Variants in XRRA1 observed in about 807,000 individuals in gnomAD.
XRRA1 encodes X-ray radiation resistance-associated protein 1.
A neutral mutation model predicts 80.2 loss-of-function variants in XRRA1; 69 were observed. The ratio of observed to expected loss-of-function variants is 0.86; its 90% CI spans 0.71 to 1.05. XRRA1 has a LOEUF of 1.05. XRRA1 is among the 50% of genes least tolerant of loss of function. XRRA1 has a pLI of 0.00. For synonymous variants in XRRA1, 348 were observed against 389.9 expected, an observed-to-expected ratio of 0.89 and a Z score of 1.27; for missense variants, 967 against 976.4, an observed-to-expected ratio of 0.99 and a Z score of 0.13.
intron 11 of XRRA1, 44 bp from the exon 12 acceptor site, chr11:74,859,327 A>AG: frequency 6.4e-7 from 1 of 1,567,208 alleles, no homozygotes; most frequent in Non-Finnish European, 8.7e-7. Flanking sequence ...CCGATAATAA[A>AG]TAAGGCCACT....
chr11:74,947,749 A>T (rs961325258), intron 1 of XRRA1, among the ~76,000 whole-genome samples: 83 of 152,140 alleles, frequency 5.5e-4, no homozygotes, highest in African/African-American at 2.0e-3. Flanking sequence ...TTTTAGTAAT[A>T]ATTTAGTTAT....
chr11:74,914,134 C>T (rs964956461), intron 8 of XRRA1, among the ~76,000 whole-genome samples: 3 of 152,072 alleles, frequency 2.0e-5, no homozygotes, highest in Non-Finnish European at 2.9e-5. Context: ...TACAGGCGCC[C>T]GCCACCACAT....
intron 15 of XRRA1, among the ~76,000 whole-genome samples, chr11:74,846,545 A>G (rs566780192): frequency 6.6e-6 from 1 of 152,252 alleles, no homozygotes; most frequent in Non-Finnish European, 1.5e-5. Flanking sequence ...AAAAAATATT[A>G]GCAAACTGAA....
chr11:74,883,043 T>G (rs1323755521), intron 10 of XRRA1, among the ~76,000 whole-genome samples: 5 of 152,368 alleles, frequency 3.3e-5, no homozygotes, highest in African/African-American at 9.6e-5. Context: ...CTCCACCCAG[T>G]TCGAGCTTCC....
chr11:74,922,703 T>C (rs192858171), intron 7 of XRRA1, among the ~76,000 whole-genome samples: 1 of 152,304 alleles, frequency 6.6e-6, no homozygotes, highest in Non-Finnish European at 1.5e-5. Context: ...AGAGAAGGAC[T>C]GGGTTTGGTC....
chr11:74,881,979 A>T (rs2047731799), intron 10 of XRRA1, among the ~76,000 whole-genome samples: 5 of 145,064 alleles, frequency 3.4e-5, no homozygotes, highest in Admixed American at 3.4e-4. Context: ...TCTGACAATT[A>T]TGTGTCTTGG....
chr11:74,928,212 T>C (rs1942721929), intron 6 of XRRA1, among the ~76,000 whole-genome samples: 1 of 152,232 alleles, frequency 6.6e-6, no homozygotes, highest in African/African-American at 2.4e-5. Context: ...CTTGTTCCTC[T>C]GGTAACCTGA....
intron 8 of XRRA1, among the ~76,000 whole-genome samples, chr11:74,917,566 A>G (rs1485729869): frequency 1.3e-5 from 2 of 152,206 alleles, no homozygotes; most frequent in African/African-American, 4.8e-5. Flanking sequence ...TTTATCTACT[A>G]TACCAATTAG....
At chr11:74,886,002 A>G (rs1486329884) in intron 10 of XRRA1, among the ~76,000 whole-genome samples, 2 of 152,260 alleles carry the variant, frequency 1.3e-5, no homozygotes, top group Non-Finnish European at 2.9e-5. Context: ...TGCTTTTGAT[A>G]AAATTCAACA....
chr11:74,943,524 G>GGTGTGTGTGTGCGTGTGTGTGT (rs1946796867), intron 2 of XRRA1, among the ~76,000 whole-genome samples: 1 of 137,762 alleles, frequency 7.3e-6, no homozygotes. Flanking sequence ...AGAGTAGGAG[G>GGTGTGTGTGTGCGTGTGTGTGT]GTGTGTGTGT....
chr11:74,869,552 C>T (rs765585488), intron 10 of XRRA1, among the ~76,000 whole-genome samples: 5 of 152,146 alleles, frequency 3.3e-5, no homozygotes, highest in Admixed American at 6.5e-5. Flanking sequence ...ATGGAGGCTC[C>T]ATCTTTTCTT....
chr11:74,893,169 A>G (rs1293282650), intron 10 of XRRA1, among the ~76,000 whole-genome samples: 2 of 152,220 alleles, frequency 1.3e-5, no homozygotes, highest in Non-Finnish European at 2.9e-5. Flanking sequence ...ATGTCCAACA[A>G]TGACAGACTG....
chr11:74,920,386 T>C (rs1940356723), intron 8 of XRRA1, among the ~76,000 whole-genome samples: 1 of 152,210 alleles, frequency 6.6e-6, no homozygotes, highest in African/African-American at 2.4e-5. Context: ...ATTACATATA[T>C]ACACATATAT....
intron 1 of XRRA1, among the ~76,000 whole-genome samples, chr11:74,945,605 G>C (rs996203198): frequency 3.4e-5 from 3 of 89,174 alleles, no homozygotes; most frequent in Non-Finnish European, 7.8e-5. Flanking sequence ...GCCAAGAAGG[G>C]CACATAACCC....
At chr11:74,884,806 A>T (rs1183638885) in intron 10 of XRRA1, among the ~76,000 whole-genome samples, 1 of 152,188 alleles carries the variant, frequency 6.6e-6, no homozygotes, top group Admixed American at 6.5e-5. Context: ...TTATAGCATT[A>T]AATACCCACA....
chr11:74,935,646 C>T lies in XRRA1; in HGVS notation c.279+1238G>A, dbSNP rs551076050. ...CTTGGCAACTGGGTAGATGGTAGTG[C>T]CAACAGAGAGAGTAAAGTAGATACT... On this transcript the variant is annotated intron_variant, in intron 4 of 18. Coordinates refer to ENST00000684022, the MANE Select transcript of XRRA1 (RefSeq NM_001378157.1). 2.6e-5 allele frequency among the ~76,000 whole-genome samples: 4 copies of T among 152,126 alleles called. No individual in the cohort carries two copies. The South Asian group carries it at 8.3e-4, about 32-fold the overall frequency.
intron 10 of XRRA1, among the ~76,000 whole-genome samples, chr11:74,877,856 C>T (rs1162494295): frequency 6.6e-6 from 1 of 152,038 alleles, no homozygotes; most frequent in Non-Finnish European, 1.5e-5. Context: ...TTAATCCAGT[C>T]TATCATTGTT....
rs1272506631 is a variant in XRRA1 at position 74,855,509 on chromosome 11, TG to T, written c.1171-3428del. On this transcript the variant is annotated intron_variant, in intron 12 of 18. Transcript: ENST00000684022. ...CTGGCTGACACAGCAAGCGGAAATCTGGCCATGGGGCTAGCCTGTTCTCTCT... is the reference window on the plus strand; with the variant it reads ...CTGGCTGACACAGCAAGCGGAAATCTGCCATGGGGCTAGCCTGTTCTCTCT... 2.6e-5 allele frequency among the ~76,000 whole-genome samples: 4 copies of T among 152,220 alleles called. No individual in the cohort carries two copies. The East Asian group carries it at 7.7e-4, about 29-fold the overall frequency.
chr11:74,925,167 T>C (rs563758500), intron 7 of XRRA1, among the ~76,000 whole-genome samples: 1 of 152,352 alleles, frequency 6.6e-6, no homozygotes, highest in East Asian at 1.9e-4. Context: ...AGGGGAAATG[T>C]CCCAGAGAGG....
Sources: allele counts gnomAD v4.1 joint callset (sites outside exome capture counted in the v4.1 genomes callset), GRCh38; gene constraint gnomAD v4.1.1; transcripts MANE v1.5; gene names NCBI Gene and HGNC (gene_info 2026-07-23, HGNC 2026-07-21).